The following ATRNL1 variants were observed in gnomAD, a reference collection of about 807,000 sequenced individuals.
The protein encoded by ATRNL1 is attractin like 1, also known as attractin-like protein 1.
In ATRNL1, 95 loss-of-function variants were observed where a neutral mutation model predicts 182.7. The ratio of observed to expected loss-of-function variants is 0.52; its 90% CI spans 0.44 to 0.62. The LOEUF (loss-of-function observed/expected upper bound fraction) is 0.62, where lower values mean the gene tolerates loss of function less well. Ranked by LOEUF, ATRNL1 falls within the 20% of genes least tolerant of loss-of-function variation. The pLI is 0.00. For synonymous variants in ATRNL1, 576 were observed against 568.3 expected (o/e 1.01, Z -0.19); for missense variants, 1,471 against 1,679.5 (o/e 0.88, Z 2.17).
At chr10:115,533,419 G>A (rs1419217146) in intron 25 of ATRNL1, among the ~76,000 whole-genome samples, 1 of 151,628 alleles carries the variant, frequency 6.6e-6, no homozygotes, top group African/African-American at 2.4e-5. Context: ...TCTGATGGTA[G>A]TTTGTATTTC....
intron 27 of ATRNL1, among the ~76,000 whole-genome samples, chr10:115,761,847 G>A (rs782186084): frequency 8.5e-5 from 13 of 152,124 alleles, no homozygotes; most frequent in Non-Finnish European, 1.2e-4. Flanking sequence ...AATTAAATGA[G>A]CTAAAATAGG....
At chr10:115,889,215 C>T (rs556815850) in intron 28 of ATRNL1, among the ~76,000 whole-genome samples, 3 of 152,320 alleles carry the variant, frequency 2.0e-5, no homozygotes, top group Admixed American at 2.0e-4. Context: ...CACTAGAAGA[C>T]AGCATCTCTC....
chr10:115,894,956 C>T (rs1166418090), intron 28 of ATRNL1, among the ~76,000 whole-genome samples: 2 of 152,156 alleles, frequency 1.3e-5, no homozygotes, highest in Non-Finnish European at 2.9e-5. Flanking sequence ...CACTCACAAG[C>T]TGTGTGTGGT....
At chr10:115,677,853 G>C (rs1333745335) in intron 26 of ATRNL1, among the ~76,000 whole-genome samples, 2 of 151,850 alleles carry the variant, frequency 1.3e-5, no homozygotes, top group Non-Finnish European at 2.9e-5. Context: ...GAGCTCCAAA[G>C]GGTATCAGTG....
chr10:115,112,296 GAA>G, intron 1 of ATRNL1, among the ~76,000 whole-genome samples: 1 of 152,214 alleles, frequency 6.6e-6, no homozygotes, highest in South Asian at 2.1e-4. Flanking sequence ...TAATTTGTTT[GAA>G]ACCACAAAAG....
intron 22 of ATRNL1, among the ~76,000 whole-genome samples, chr10:115,466,724 G>A (rs577228019): frequency 6.6e-6 from 1 of 150,678 alleles, no homozygotes; most frequent in South Asian, 2.1e-4. Flanking sequence ...AGAAAATATG[G>A]GTTTAATAAT....
chr10:115,368,368 C>T lies in ATRNL1; in HGVS notation c.3176-26291C>T, dbSNP rs1040908296. Among the ~76,000 whole-genome samples the T allele has an allele frequency of 1.9e-4, 29 of 152,348 alleles. No homozygotes were observed. The East Asian group carries it at 2.1e-3, about 11-fold the overall frequency. ...GCGCTTCCCAAGTGAGGCAAAGCCT[C>T]GCCCTGCTTCGGCTCGCGCACGGTG... On this transcript the variant is annotated intron_variant, in intron 19 of 28. Coordinates refer to ENST00000355044, the MANE Select transcript of ATRNL1 (RefSeq NM_207303.4).
intron 25 of ATRNL1, among the ~76,000 whole-genome samples, chr10:115,535,584 G>T (rs1851927841): frequency 3.3e-5 from 5 of 152,006 alleles, no homozygotes; most frequent in Admixed American, 2.6e-4. Context: ...CAGTTTGATT[G>T]TCTGAAGCCT....
intron 5 of ATRNL1, among the ~76,000 whole-genome samples, chr10:115,159,031 T>G (rs1385845953): frequency 6.6e-6 from 1 of 151,834 alleles, no homozygotes; most frequent in Non-Finnish European, 1.5e-5. Flanking sequence ...GTCAAAATAA[T>G]GTAGGTGTGC....
At chr10:115,186,779 A>G (rs781887443) in intron 8 of ATRNL1, among the ~76,000 whole-genome samples, 1 of 152,150 alleles carries the variant, frequency 6.6e-6, no homozygotes, top group African/African-American at 2.4e-5. Flanking sequence ...TGACAGCACA[A>G]CAGTGACTAT....
At chr10:115,524,141 T>A (rs560867593) in intron 25 of ATRNL1, among the ~76,000 whole-genome samples, 1 of 152,160 alleles carries the variant, frequency 6.6e-6, no homozygotes, top group Non-Finnish European at 1.5e-5. Context: ...CCAGCTGTCA[T>A]GGGAACATGA....
intron 26 of ATRNL1, among the ~76,000 whole-genome samples, chr10:115,658,081 AT>A (rs1436547837): frequency 3.7e-5 from 5 of 134,596 alleles, no homozygotes; most frequent in African/African-American, 1.4e-4. Context: ...ACTGTTAGTA[AT>A]TTTTTTCCTT....
At chr10:115,118,350 T>C (rs1329119280) in intron 1 of ATRNL1, among the ~76,000 whole-genome samples, 1 of 152,148 alleles carries the variant, frequency 6.6e-6, no homozygotes, top group Non-Finnish European at 1.5e-5. Context: ...GTTATTATGC[T>C]AGACATTTTA....
At chr10:115,583,842 A>G (rs1226588633) in intron 26 of ATRNL1, among the ~76,000 whole-genome samples, 33 of 150,162 alleles carry the variant, frequency 2.2e-4, no homozygotes, top group Non-Finnish European at 4.3e-4. Context: ...TTTCAAAGGG[A>G]ATGCTTCCAG....
chr10:115,627,402 T>C (rs1410606183), intron 26 of ATRNL1, among the ~76,000 whole-genome samples: 1 of 152,216 alleles, frequency 6.6e-6, no homozygotes, highest in Non-Finnish European at 1.5e-5. Flanking sequence ...TCTCACTTTG[T>C]TGCTAAGACT....
intron 27 of ATRNL1, among the ~76,000 whole-genome samples, chr10:115,808,986 G>T (rs1460951042): frequency 6.6e-6 from 1 of 151,966 alleles, no homozygotes; most frequent in Admixed American, 6.6e-5. Context: ...ATTTAGGTCT[G>T]TATTGTATTT....
At chr10:115,703,672 A>G (rs1946809479) in intron 26 of ATRNL1, among the ~76,000 whole-genome samples, 1 of 151,820 alleles carries the variant, frequency 6.6e-6, no homozygotes, top group Non-Finnish European at 1.5e-5. Context: ...ATACAAACAT[A>G]TATGTAGATA....
intron 26 of ATRNL1, among the ~76,000 whole-genome samples, chr10:115,714,975 C>T (rs1947203505): frequency 6.6e-6 from 1 of 152,136 alleles, no homozygotes; most frequent in South Asian, 2.1e-4. Context: ...AGAAAATTTA[C>T]CAGTTGGTTG....
At chr10:115,670,438 G>A (rs1945659560) in intron 26 of ATRNL1, among the ~76,000 whole-genome samples, 1 of 152,136 alleles carries the variant, frequency 6.6e-6, no homozygotes, top group African/African-American at 2.4e-5. Flanking sequence ...ATTTTAAGTT[G>A]CATTTTTAAG....
Sources: gnomAD v4.1 joint callset for allele counts (sites outside exome capture counted in the v4.1 genomes callset) on GRCh38, gnomAD v4.1.1 for gene constraint, MANE v1.5 for transcripts, NCBI Gene and HGNC (gene_info 2026-07-23, HGNC 2026-07-21) for gene names.